Variants in AKAP17A observed in about 807,000 individuals in gnomAD.
AKAP17A encodes the protein A-kinase anchoring protein 17A, also known as A-kinase anchor protein 17A.
AKAP17A carries 15 observed loss-of-function variants against 52.2 expected under a neutral mutation model. The ratio of observed to expected loss-of-function variants is 0.29; its 90% confidence interval spans 0.19 to 0.44. The LOEUF (loss-of-function observed/expected upper bound fraction) is 0.44, where lower values mean the gene tolerates loss of function less well. Among genes scored for constraint, AKAP17A ranks in the 20% least tolerant of loss-of-function variants. AKAP17A has a pLI of 1.00. For synonymous variants in AKAP17A, 514 were observed against 424.7 expected, an observed-to-expected ratio of 1.21 and a Z score of -2.58; for missense variants, 1,060 against 1,007.0, an observed-to-expected ratio of 1.05 and a Z score of -0.71.
rs1263775636 is a variant in AKAP17A, at chrX:1,598,984, G to C, written c.912-208G>C. On this transcript the variant is annotated intron_variant, in intron 3 of 4. Coordinates refer to ENST00000313871, the MANE Select transcript of AKAP17A (RefSeq NM_005088.3). ...TGGGTCACACTTAGCAGGACGGTGT[G>C]TTGGAAGGTCACGGAGGTCCTCGCC... Among the ~76,000 whole-genome samples, 8 of 152,182 alleles carry C rather than the reference G, an allele frequency of 5.3e-5. No individual in the cohort carries two copies. In the East Asian group the frequency reaches 1.5e-3, roughly 29 times the overall value.
chrX:1,599,287 G>C lies in AKAP17A; in HGVS notation c.1007G>C (p.Arg336Pro). ...EQKQRDRELR[R>P]NQKKLEKLQA... is the part of the protein sequence containing the mutation. ...AAGCAGAGGGACCGTGAGCTGCGCC[G>C]GAATCAGAAGAAGCTGGAGAAGCTG... The change falls in exon 4 of 5, where the codon CGG (arginine) becomes CCG (proline). Residue 336 changes from arginine (R) to proline (P), a missense_variant. This residue lies in a region of AKAP17A where 793 missense variants were observed against 629.9 expected (regional missense o/e 1.26). Coordinates refer to ENST00000313871, the MANE Select transcript of AKAP17A (RefSeq NM_005088.3). The C allele has an allele frequency of 6.2e-7, 1 of 1,611,528 alleles. No homozygotes were observed. The highest frequency in any genetic ancestry group is 8.5e-7 in the Non-Finnish European group (1 of 1,179,408).
At position 1,599,233 on chromosome X, in the gene AKAP17A, G is replaced by A. The variant is rs748366855; in HGVS notation, c.953G>A (p.Arg318Lys). The change falls in exon 4 of 5, where the codon AGA (arginine) becomes AAA (lysine). Residue 318 changes from arginine to lysine, a missense_variant. By Grantham distance (26) the Arg-to-Lys change is conservative (BLOSUM62 2). Around this residue, in one of 2 missense-constraint regions of AKAP17A, gnomAD observed 793 missense variants for 629.9 expected, o/e 1.26. Coordinates refer to ENST00000313871, the MANE Select transcript of AKAP17A (RefSeq NM_005088.3). ...ELEELERERKREEKLRKREQK... is the reference protein window; with the variant it reads ...ELEELERERKKEEKLRKREQK... ...GAAGAGCTGGAGCGAGAGAGGAAAA[G>A]AGAAGAGAAGCTTCGCAAGAGGGAG... is the stretch of plus-strand genomic sequence containing the variant. The A allele has an allele frequency of 2.5e-6, 4 of 1,612,628 alleles. No individual in the cohort carries two copies. In the South Asian group the frequency reaches 4.4e-5, roughly 18 times the overall value.
chrX:1,596,981 G>C (rs764209854), intron 3 of AKAP17A, among the ~76,000 whole-genome samples: 5 of 151,506 alleles, frequency 3.3e-5, no homozygotes, highest in African/African-American at 9.7e-5. Flanking sequence ...TGACGACTTT[G>C]GTGCGTCCTG....
Position 1,595,366 on chromosome X carries a change from C to T in AKAP17A, c.763-18C>T. ...GGTTTTGGGGGAAGGCCATCTGACA[C>T]TGTTTTTGCTTTTAAAGGTTTCTTT... On this transcript the variant is annotated intron_variant, in intron 2 of 4. Transcript: ENST00000313871. 2 of 1,613,330 alleles carry T rather than the reference C, an allele frequency of 1.2e-6. No homozygotes were observed. The highest frequency in any genetic ancestry group is 1.7e-6 in the Non-Finnish European group (2 of 1,179,756).
Position 1,593,653 on chromosome X carries a change from T to A in AKAP17A, c.191T>A (p.Phe64Tyr). 1 of 1,613,822 alleles carries A rather than the reference T, an allele frequency of 6.2e-7. No individual in the cohort carries two copies. The highest frequency in any genetic ancestry group is 8.5e-7 in the Non-Finnish European group (1 of 1,179,836). The change falls in exon 2 of 5, where the codon TTC becomes TAC. Residue 64 changes from phenylalanine to tyrosine, a missense_variant. Around this residue, in one of 2 missense-constraint regions of AKAP17A, gnomAD observed 267 missense variants for 377.1 expected, o/e 0.71. Coordinates refer to ENST00000313871, the MANE Select transcript of AKAP17A (RefSeq NM_005088.3). Reference protein sequence around the residue: ...RLKGMVQNHQFSTLRISKSTM... With the variant: ...RLKGMVQNHQYSTLRISKSTM... Reference sequence around the variant, plus strand: ...AAGGGCATGGTGCAGAACCACCAGTTCTCCACGCTGCGTATTTCCAAGAGC... The same window carrying A: ...AAGGGCATGGTGCAGAACCACCAGTACTCCACGCTGCGTATTTCCAAGAGC...
chrX:1,598,053 T>G (rs184970435), intron 3 of AKAP17A, among the ~76,000 whole-genome samples: 76 of 152,266 alleles, frequency 5.0e-4, no homozygotes, highest in African/African-American at 1.6e-3. Flanking sequence ...GTTTGCTTGT[T>G]CAGCCCTCAC....
At position 1,601,672 on chromosome X, in the gene AKAP17A, T is replaced by G; in HGVS notation, c.*78T>G. 7.7e-7 allele frequency: 1 copy of G among 1,298,606 alleles called. No homozygotes were observed. The highest frequency in any genetic ancestry group is 9.9e-7 in the Non-Finnish European group (1 of 1,009,020). The allele number at this position is 1,298,606 out of a possible 1,614,324, so 80.4% of individuals were successfully genotyped here. A position where few individuals can be genotyped will look rare whatever the true frequency, so the allele number is the denominator to read the frequency against. ...AGCCTCCTGGCCGCTCCTTGGCCGC[T>G]CTCCGTCCACCCCTGCAAAGCCAAG... On this transcript the variant is annotated 3_prime_UTR_variant, in exon 5 of 5. Transcript: ENST00000313871.
In AKAP17A at chrX:1,599,301, C is replaced by G; in HGVS notation, c.1021C>G (p.Leu341Val). The change falls in exon 4 of 5, where the codon CTG becomes GTG. Residue 341 changes from leucine (L) to valine (V), a missense_variant. Leu to Val is a conservative substitution (Grantham distance 32, BLOSUM62 1). This residue lies in a region of AKAP17A where 793 missense variants were observed against 629.9 expected (regional missense o/e 1.26). Coordinates refer to ENST00000313871, the MANE Select transcript of AKAP17A (RefSeq NM_005088.3). ...TGAGCTGCGCCGGAATCAGAAGAAG[C>G]TGGAGAAGCTGCAGGCGGAGGAGCA... ...DRELRRNQKK[L>V]EKLQAEEQKQ... 1 of 1,610,608 alleles carries G rather than the reference C, an allele frequency of 6.2e-7. No individual in the cohort carries two copies. The highest frequency in any genetic ancestry group is 8.5e-7 in the Non-Finnish European group (1 of 1,178,964).
intron 1 of AKAP17A, among the ~76,000 whole-genome samples, chrX:1,592,373 G>T (rs1932853463): frequency 6.6e-6 from 1 of 151,954 alleles, no homozygotes; most frequent in African/African-American, 2.4e-5. Flanking sequence ...AATACCAGGG[G>T]CAATGCCGCG....
intron 1 of AKAP17A, 100 bp from the exon 2 acceptor site, chrX:1,593,342 TTC>T: frequency 8.6e-7 from 1 of 1,164,906 alleles, no homozygotes; most frequent in Non-Finnish European, 1.2e-6. Flanking sequence ...ACACTGCTGT[TTC>T]TCTTCTCCGG....
intron 4 of AKAP17A, chrX:1,599,847 G>C (rs1228556978): frequency 3.4e-6 from 2 of 594,860 alleles, no homozygotes; most frequent in Admixed American, 3.0e-5. Context: ...AGGTGGGCTG[G>C]GGGGAGGGCT....
intron 3 of AKAP17A, among the ~76,000 whole-genome samples, chrX:1,598,982 G>C (rs768445884): frequency 6.6e-6 from 1 of 152,296 alleles, no homozygotes; most frequent in African/African-American, 2.4e-5. Context: ...GCAGGACGGT[G>C]TGTTGGAAGG....
rs1426513663 is a variant in AKAP17A, at chrX:1,601,714, G to A, written c.*120G>A. On this transcript the variant is annotated 3_prime_UTR_variant, in exon 5 of 5. Transcript: ENST00000313871. Reference sequence around the variant, plus strand: ...AAAGCCAAGACCCTTCTGCAGCCACGAATGTCCACGGAGCCCGCCGGCAGG... The same window carrying A: ...AAAGCCAAGACCCTTCTGCAGCCACAAATGTCCACGGAGCCCGCCGGCAGG... 68 of 953,416 alleles carry A rather than the reference G, an allele frequency of 7.1e-5. No homozygotes were observed. Among genetic ancestry groups the A allele is most frequent in the African/African-American group, 8.6e-5 (5 of 58,000 alleles). The allele number at this position is 953,416 out of a possible 1,614,324, so 59.1% of individuals were successfully genotyped here. A position where few individuals can be genotyped will look rare whatever the true frequency, so the allele number is the denominator to read the frequency against.
In AKAP17A at chrX:1,601,367, C is replaced by A. The variant is rs758634437; in HGVS notation, c.1861C>A (p.Arg621=). Residue 621 remains arginine, a synonymous_variant, in exon 5 of 5, where the codon CGG becomes AGG. Coordinates refer to ENST00000313871, the MANE Select transcript of AKAP17A (RefSeq NM_005088.3). The part of the protein sequence containing the change: ...SREDGRPRKE[R]RPHKKHAYKD... The stretch of plus-strand genomic sequence containing the variant: ...GGAGGACGGGAGGCCACGCAAGGAG[C>A]GGCGGCCCCACAAGAAGCACGCCTA... 5 of 1,577,428 alleles carry A rather than the reference C, an allele frequency of 3.2e-6. No homozygotes were observed. Among genetic ancestry groups the A allele is most frequent in the Non-Finnish European group, 4.3e-6 (5 of 1,166,970 alleles).
intron 3 of AKAP17A, among the ~76,000 whole-genome samples, chrX:1,596,252 C>CAAAA (rs1932973566): frequency 6.8e-6 from 1 of 147,092 alleles, no homozygotes; most frequent in African/African-American, 2.6e-5. Context: ...AACAAAAAAC[C>CAAAA]AATGATAGGA....
At position 1,600,381 on chromosome X, in the gene AKAP17A, G is replaced by C; in HGVS notation, c.1153-278G>C. On this transcript the variant is annotated intron_variant, in intron 4 of 4. Coordinates refer to ENST00000313871, the MANE Select transcript of AKAP17A (RefSeq NM_005088.3). ...CCCGGCAGGGCTCGGCTCTGCCCAA[G>C]AGGCCCGCCCTGGGGCTGCGCCGAG... 5 of 627,226 alleles carry C rather than the reference G, an allele frequency of 8.0e-6. No individual in the cohort carries two copies. The East Asian group carries it at 1.5e-4, about 18-fold the overall frequency. 38.9% of individuals were successfully genotyped at this position (627,226 alleles called of 1,614,324 possible).
At chrX:1,594,589 CAT>C (rs1419850230) in intron 2 of AKAP17A, among the ~76,000 whole-genome samples, 2 of 152,104 alleles carry the variant, frequency 1.3e-5, no homozygotes, top group African/African-American at 4.8e-5. Flanking sequence ...CCTTTAGCCT[CAT>C]GTGCTTTTTT....
chrX:1,593,598 A>G lies in AKAP17A; in HGVS notation c.136A>G (p.Ile46Val). The G allele has an allele frequency of 6.2e-7, 1 of 1,613,826 alleles. No individual in the cohort carries two copies. Among genetic ancestry groups the G allele is most frequent in the East Asian group, 2.2e-5 (1 of 44,876 alleles). The change falls in exon 2 of 5, where the codon ATC becomes GTC. Residue 46 changes from isoleucine (I) to valine (V), a missense_variant. By Grantham distance (29) the Ile-to-Val change is conservative. Around this residue, in one of 2 missense-constraint regions of AKAP17A, gnomAD observed 267 missense variants for 377.1 expected, o/e 0.71. Coordinates refer to ENST00000313871, the MANE Select transcript of AKAP17A (RefSeq NM_005088.3). ...GCAGCTGAAGCAGCCGGGGAAGTCC[A>G]TCTCCAACTGGGAGGTGATGGAGAG... ...LPQLKQPGKS[I>V]SNWEVMERLK...
intron 4 of AKAP17A, 85 bp downstream of exon 4, chrX:1,599,517 G>A (rs751967450): frequency 5.5e-5 from 84 of 1,536,526 alleles, no homozygotes; most frequent in South Asian, 4.3e-4. Context: ...GCGTCACGGC[G>A]CCGTTTCCCC....
Sources: gnomAD v4.1 joint callset for allele counts (sites outside exome capture counted in the v4.1 genomes callset) on GRCh38, gnomAD v4.1.1 for gene constraint, gnomAD v4.1.1 regional missense constraint, MANE v1.5 for transcripts, NCBI Gene and HGNC (gene_info 2026-07-23, HGNC 2026-07-21) for gene names.